MYCBP2: variants seen among roughly 807,000 people sequenced by gnomAD.
MYCBP2 encodes E3 ubiquitin-protein ligase MYCBP2.
In MYCBP2, 120 loss-of-function variants were observed where a neutral mutation model predicts 525.3. The observed-to-expected ratio is 0.23, with a 90% CI of 0.20 to 0.27. MYCBP2 has a LOEUF of 0.27. MYCBP2 is among the 10% of genes least tolerant of loss of function. The probability of loss-of-function intolerance (pLI) is 1.00; values close to 1 mark genes in which losing one functional copy is unlikely to be tolerated. For synonymous variants in MYCBP2, 1,894 were observed against 1,955.8 expected, an observed-to-expected ratio of 0.97 and a Z score of 0.83; for missense variants, 4,149 against 5,657.1, an observed-to-expected ratio of 0.73 and a Z score of 8.55.
At chr13:77,147,898 C>T (rs2055860380) in intron 47 of MYCBP2, among the ~76,000 whole-genome samples, 1 of 152,096 alleles carries the variant, frequency 6.6e-6, no homozygotes, top group South Asian at 2.1e-4. Flanking sequence ...CCTGAATTAA[C>T]ATTTCACAGA....
chr13:77,266,533 T>C (rs1421263404), intron 8 of MYCBP2, among the ~76,000 whole-genome samples: 1 of 152,028 alleles, frequency 6.6e-6, no homozygotes, highest in African/African-American at 2.4e-5. Flanking sequence ...TATTTACCAA[T>C]ATGTTCATAG....
At chr13:77,045,910 A>T (rs750183676) in intron 82 of MYCBP2, among the ~76,000 whole-genome samples, 2 of 152,202 alleles carry the variant, frequency 1.3e-5, no homozygotes, top group African/African-American at 2.4e-5. Context: ...TTTTTCTATA[A>T]GTAAAAACAT....
intron 59 of MYCBP2, 73 bp downstream of exon 59, chr13:77,093,092 G>T: frequency 1.4e-6 from 2 of 1,409,594 alleles, no homozygotes; most frequent in Non-Finnish European, 1.9e-6. Context: ...ACTTCTACAG[G>T]ACTCTTTTCT....
rs553412744 is a variant in MYCBP2 at position 77,285,646 on chromosome 13, C to T, written c.594+2515G>A. 3.9e-5 allele frequency among the ~76,000 whole-genome samples: 6 copies of T among 152,060 alleles called. No homozygotes were observed. The East Asian group carries it at 7.7e-4, about 20-fold the overall frequency. On this transcript the variant is annotated intron_variant, in intron 3 of 82. Transcript: ENST00000544440. ...TAATAAAAATACAAAATTAGCCAGG[C>T]GCGGTGGCACATGCCTGTAATCCCA...
intron 55 of MYCBP2, among the ~76,000 whole-genome samples, chr13:77,108,551 G>C (rs986600069): frequency 6.6e-6 from 1 of 152,128 alleles, no homozygotes; most frequent in African/African-American, 2.4e-5. Context: ...TTATACATCA[G>C]AGAAATCAGA....
At chr13:77,113,750 ACT>A (rs1366602481) in intron 55 of MYCBP2, among the ~76,000 whole-genome samples, 1 of 152,214 alleles carries the variant, frequency 6.6e-6, no homozygotes, top group Non-Finnish European at 1.5e-5. Flanking sequence ...CTTTTAGGTC[ACT>A]GAGAAGATGG....
chr13:77,096,584 G>A, intron 56 of MYCBP2, 103 bp from the exon 57 acceptor site: 1 of 1,180,536 alleles, frequency 8.5e-7, no homozygotes, highest in South Asian at 2.0e-5. Flanking sequence ...CTCAAAGAAA[G>A]CAAAATACTG....
chr13:77,242,068 T>C (rs996611697), intron 17 of MYCBP2, among the ~76,000 whole-genome samples: 5 of 152,164 alleles, frequency 3.3e-5, no homozygotes, highest in Non-Finnish European at 2.9e-5. Context: ...AATACATATA[T>C]TTATCTTTGC....
At chr13:77,194,553 A>G (rs956930917) in intron 26 of MYCBP2, among the ~76,000 whole-genome samples, 14 of 152,092 alleles carry the variant, frequency 9.2e-5, no homozygotes, top group Admixed American at 9.2e-4. Context: ...AGGTGAGAGA[A>G]CTCCAACAAA....
intron 13 of MYCBP2, among the ~76,000 whole-genome samples, chr13:77,259,092 TAAAAATACA>T: frequency 6.6e-6 from 1 of 152,032 alleles, no homozygotes; most frequent in African/African-American, 2.4e-5. Context: ...TCGTCTCTAC[TAAAAATACA>T]AAAAATACAA....
In MYCBP2 at chr13:77,263,661, C is replaced by A. The variant is rs1489435020; in HGVS notation, c.1560G>T (p.Leu520Phe). The A allele has an allele frequency of 6.2e-7, 1 of 1,611,094 alleles. No homozygotes were observed. ...GISLFDLEKDLHIISTGFDEE... is the reference protein window; with the variant it reads ...GISLFDLEKDFHIISTGFDEE... The stretch of plus-strand genomic sequence containing the variant: ...AATTTGCTATCTTACTTATAATATG[C>A]AAGTCCTTTTCCAGATCGAATAGTG... The change falls in exon 10 of 83, where the codon TTG (leucine) becomes TTT (phenylalanine). Residue 520 changes from leucine to phenylalanine, a missense_variant. This residue lies in a region of MYCBP2 where 262 missense variants were observed against 419.3 expected (regional missense o/e 0.62). Coordinates refer to ENST00000544440, the MANE Select transcript of MYCBP2 (RefSeq NM_015057.5).
In MYCBP2 at chr13:77,185,130, A is replaced by G; in HGVS notation, c.4692T>C (p.Leu1564=). 1.9e-6 allele frequency: 3 copies of G among 1,614,108 alleles called. No homozygotes were observed. The highest frequency in any genetic ancestry group is 2.5e-6 in the Non-Finnish European group (3 of 1,179,980). Residue 1564 remains leucine (L), a synonymous_variant, in exon 32 of 83, where the codon CTT becomes CTC. Transcript: ENST00000544440. The stretch of plus-strand genomic sequence containing the variant: ...GATCCAAACAATTCAGCAGATCACA[A>G]AGGCAAGCCCACTGTAAGGCAGGAG... ...YPTPALQWAC[L]CDLLNCLDQD...
chr13:77,303,969 A>T (rs953425175), intron 1 of MYCBP2, among the ~76,000 whole-genome samples: 9 of 152,238 alleles, frequency 5.9e-5, no homozygotes, highest in African/African-American at 2.2e-4. Context: ...TATACATAAC[A>T]AAAAGACAAA....
rs546939288 is a variant in MYCBP2, at chr13:77,107,123, T to C, written c.8141-8110A>G. On this transcript the variant is annotated intron_variant, in intron 55 of 82. Coordinates refer to ENST00000544440, the MANE Select transcript of MYCBP2 (RefSeq NM_015057.5). ...GGTAGAATGATGGGAACAGTGTTGC[T>C]GACTTTCCTCAGCTTAAGTCCCAGT... Among the ~76,000 whole-genome samples, 4 of 152,184 alleles carry C rather than the reference T, an allele frequency of 2.6e-5. No homozygotes were observed. The South Asian group carries it at 8.3e-4, about 31-fold the overall frequency.
At chr13:77,305,130 A>G (rs1323454232) in intron 1 of MYCBP2, among the ~76,000 whole-genome samples, 3 of 152,088 alleles carry the variant, frequency 2.0e-5, no homozygotes, top group African/African-American at 7.2e-5. Flanking sequence ...ACTCTTTTAG[A>G]CAATATAAAA....
intron 33 of MYCBP2, among the ~76,000 whole-genome samples, 183 bp downstream of exon 33, chr13:77,181,518 T>G (rs2060218942): frequency 6.6e-6 from 1 of 152,146 alleles, no homozygotes; most frequent in South Asian, 2.1e-4. Context: ...ATGAACATTT[T>G]TCAAAAATAT....
rs2274547 is a variant in MYCBP2, at chr13:77,164,529, A to G, written c.6472T>C (p.Leu2158=). ...SPGPDEGVIQ[L]EKELANLGGV... ...CCAAGATTGGCTAATTCTTTTTCCA[A>G]TTGGATGACTCCCTATGGAATTGCA... Residue 2158 remains leucine, a synonymous_variant, in exon 43 of 83, where the codon TTG becomes CTG. Transcript: ENST00000544440. 296,905 of 1,605,472 alleles carry G rather than the reference A, an allele frequency of 0.18. 31,302 individuals carry two copies. Among genetic ancestry groups the G allele is most frequent in the South Asian group, 0.38 (34,792 of 90,798 alleles).
At chr13:77,254,831 T>C (rs1435772663) in intron 14 of MYCBP2, among the ~76,000 whole-genome samples, 1 of 151,782 alleles carries the variant, frequency 6.6e-6, no homozygotes, top group African/African-American at 2.4e-5. Context: ...ATTTTTTAGT[T>C]CCCATATATG....
chr13:77,267,454 G>A (rs570569702), intron 8 of MYCBP2, among the ~76,000 whole-genome samples: 8 of 151,238 alleles, frequency 5.3e-5, no homozygotes, highest in Non-Finnish European at 1.2e-4. Context: ...TAAATAAGGA[G>A]GAAAACCCAA....
Sources: allele counts gnomAD v4.1 joint callset (sites outside exome capture counted in the v4.1 genomes callset), GRCh38; gene constraint gnomAD v4.1.1; regional missense constraint gnomAD v4.1.1; transcripts MANE v1.5; gene names NCBI Gene and HGNC (gene_info 2026-07-23, HGNC 2026-07-21).